Variants in SYNPO2 observed in about 807,000 individuals in gnomAD.
The protein encoded by SYNPO2 is synaptopodin-2.
SYNPO2 carries 56 observed loss-of-function variants against 85.0 expected under a neutral mutation model. That is an observed-to-expected ratio of 0.66 (90% CI 0.53 to 0.82). The LOEUF (loss-of-function observed/expected upper bound fraction) is 0.82, where lower values mean the gene tolerates loss of function less well. Ranked by LOEUF, SYNPO2 falls within the 40% of genes least tolerant of loss-of-function variation. The pLI, the probability that SYNPO2 is intolerant of heterozygous loss-of-function variation, is 0.00. For missense variants in SYNPO2, 1,575 were observed against 1,534.2 expected, an observed-to-expected ratio of 1.03 and a Z score of -0.44; for synonymous variants, 602 against 591.1, an observed-to-expected ratio of 1.02 and a Z score of -0.27.
At chr4:118,907,243 A>G (rs1260676771) in intron 1 of SYNPO2, among the ~76,000 whole-genome samples, 3 of 152,224 alleles carry the variant, frequency 2.0e-5, no homozygotes. Flanking sequence ...GCATGGATTT[A>G]AACACAATTG....
At chr4:119,040,467 A>G (rs1738671238) in intron 4 of SYNPO2, among the ~76,000 whole-genome samples, 1 of 152,066 alleles carries the variant, frequency 6.6e-6, no homozygotes, top group Non-Finnish European at 1.5e-5. Context: ...CTTTGTGTTC[A>G]TCTATTGTGC....
At chr4:119,034,298 G>C (rs1413767459) in intron 4 of SYNPO2, 1 of 984,762 alleles carries the variant, frequency 1.0e-6, no homozygotes, top group African/African-American at 1.7e-5. Flanking sequence ...CACACAGGTA[G>C]TCGGTTTGAG....
Position 119,059,494 on chromosome 4 carries a change from C to G in SYNPO2, c.*1560C>G, listed in dbSNP as rs779901120. 9.2e-5 allele frequency: 14 copies of G among 152,032 alleles called. No individual in the cohort carries two copies. The highest frequency in any genetic ancestry group is 1.9e-4 in the Non-Finnish European group (13 of 68,014). 9.4% of individuals were successfully genotyped at this position (152,032 alleles called of 1,614,324 possible). A position where few individuals can be genotyped will look rare whatever the true frequency, so the allele number is the denominator to read the frequency against. On this transcript the variant is annotated 3_prime_UTR_variant, in exon 5 of 5. Transcript: ENST00000307142. ...CACCTGCTCCTTATTGCCATACCCACGAACTGTTAAATATAAAAAAATTCA... is the reference window on the plus strand; with the variant it reads ...CACCTGCTCCTTATTGCCATACCCAGGAACTGTTAAATATAAAAAAATTCA...
At chr4:118,980,225 C>T (rs555918341) in intron 1 of SYNPO2, among the ~76,000 whole-genome samples, 2 of 152,270 alleles carry the variant, frequency 1.3e-5, no homozygotes, top group African/African-American at 4.8e-5. Flanking sequence ...TCAACTCTTT[C>T]TAATGTATTT....
At chr4:118,954,689 G>A (rs1308983111) in intron 1 of SYNPO2, among the ~76,000 whole-genome samples, 1 of 151,948 alleles carries the variant, frequency 6.6e-6, no homozygotes, top group African/African-American at 2.4e-5. Context: ...AGATTTATCT[G>A]AAAAACCATT....
intron 1 of SYNPO2, among the ~76,000 whole-genome samples, chr4:118,987,330 A>G (rs1194085175): frequency 3.3e-5 from 5 of 152,192 alleles, no homozygotes; most frequent in African/African-American, 9.7e-5. Context: ...GATGCAGATA[A>G]TGTTGCATTA....
Position 119,031,197 on chromosome 4 carries a change from A to G in SYNPO2, c.2422A>G (p.Ile808Val), listed in dbSNP as rs75493275. 28 of 1,613,998 alleles carry G rather than the reference A, an allele frequency of 1.7e-5. No individual in the cohort carries two copies. In the African/African-American group the frequency reaches 3.6e-4, roughly 21 times the overall value. The part of the protein sequence containing the change: ...SKGTVVSSIK[I>V]AQPSYPPARP... ...GGGCACCGTTGTCTCCTCCATCAAA[A>G]TAGCCCAGCCTTCTTACCCTCCTGC... The change falls in exon 4 of 5, where the codon ATA (isoleucine) becomes GTA (valine). Residue 808 changes from isoleucine (I) to valine (V), a missense_variant. This residue lies in a region of SYNPO2 where 1,508 missense variants were observed against 1,446.8 expected (regional missense o/e 1.04). Transcript: ENST00000307142.
At chr4:118,953,586 C>T (rs1734769206) in intron 1 of SYNPO2, among the ~76,000 whole-genome samples, 2 of 145,402 alleles carry the variant, frequency 1.4e-5, no homozygotes, top group East Asian at 2.0e-4. Flanking sequence ...ACTCAATCTT[C>T]CTTGAACTGT....
At chr4:119,043,887 C>CAAA (rs1274735205) in intron 4 of SYNPO2, 1 of 129,502 alleles carries the variant, frequency 7.7e-6, no homozygotes, top group Non-Finnish European at 1.6e-5. Flanking sequence ...GCAGTGAGCC[C>CAAA]ATATCGTACT....
chr4:118,910,294 G>A (rs1733092688), intron 1 of SYNPO2, among the ~76,000 whole-genome samples: 1 of 152,230 alleles, frequency 6.6e-6, no homozygotes, highest in Non-Finnish European at 1.5e-5. Flanking sequence ...AATGAAGGGA[G>A]AATGAGATCA....
intron 1 of SYNPO2, among the ~76,000 whole-genome samples, chr4:118,879,223 G>C (rs1732010901): frequency 6.6e-6 from 1 of 152,180 alleles, no homozygotes; most frequent in Non-Finnish European, 1.5e-5. Context: ...AGGGTCCGTG[G>C]CTTCATTGTT....
chr4:118,909,995 C>T (rs1198772166), intron 1 of SYNPO2, among the ~76,000 whole-genome samples: 1 of 152,128 alleles, frequency 6.6e-6, no homozygotes. Flanking sequence ...AGCATAATTC[C>T]ACCCCCTTCC....
At chr4:119,055,596 A>G (rs1739184292) in intron 4 of SYNPO2, among the ~76,000 whole-genome samples, 1 of 152,248 alleles carries the variant, frequency 6.6e-6, no homozygotes, top group Non-Finnish European at 1.5e-5. Flanking sequence ...TAGGTGTACA[A>G]TATGTTAATT....
upstream of SYNPO2, among the ~76,000 whole-genome samples, chr4:118,886,603 C>T (rs888844354): frequency 1.3e-5 from 2 of 152,184 alleles, no homozygotes; most frequent in Non-Finnish European, 2.9e-5. Flanking sequence ...TTTATGGCTG[C>T]ATAGTATTCC....
intron 1 of SYNPO2, among the ~76,000 whole-genome samples, chr4:118,903,062 C>T (rs1732811014): frequency 1.3e-5 from 2 of 152,082 alleles, no homozygotes; most frequent in African/African-American, 2.4e-5. Flanking sequence ...TTAGTTTCCT[C>T]ATCTGTAGAA....
intron 1 of SYNPO2, among the ~76,000 whole-genome samples, chr4:118,995,735 A>G (rs145311084): frequency 2.0e-4 from 30 of 152,308 alleles, no homozygotes; most frequent in Non-Finnish European, 3.1e-4. Flanking sequence ...AATGACTACA[A>G]GGAAGTTTAA....
intron 1 of SYNPO2, among the ~76,000 whole-genome samples, chr4:118,930,855 C>A (rs1733906763): frequency 6.7e-6 from 1 of 149,618 alleles, no homozygotes; most frequent in African/African-American, 2.5e-5. Flanking sequence ...AAGGTTGAGG[C>A]TGCAGTGAGC....
chr4:119,012,388 T>TA (rs1395363306), intron 1 of SYNPO2, among the ~76,000 whole-genome samples: 3 of 130,394 alleles, frequency 2.3e-5, no homozygotes, highest in Non-Finnish European at 5.0e-5. Flanking sequence ...TTTTTTTTTT[T>TA]TTTTTATTTT....
At position 119,031,294 on chromosome 4, in the gene SYNPO2, A is replaced by G. The variant is rs1300218820; in HGVS notation, c.2519A>G (p.Tyr840Cys). 1.9e-6 allele frequency: 3 copies of G among 1,614,186 alleles called. No individual in the cohort carries two copies. Among genetic ancestry groups the G allele is most frequent in the Non-Finnish European group, 8.5e-7 (1 of 1,180,032 alleles). ...CAAGCAGCAGTAGCCAGTCAGAATT[A>G]CACACCCAAACCAACAGTTTCCACA... ...GPQAAVASQN[Y>C]TPKPTVSTPT... The change falls in exon 4 of 5, where the codon TAC (tyrosine) becomes TGC (cysteine). Residue 840 changes from tyrosine to cysteine, a missense_variant. Tyr to Cys is a radical substitution (Grantham distance 194, BLOSUM62 -2). Transcript: ENST00000307142.
Sources: gnomAD v4.1 joint callset for allele counts (sites outside exome capture counted in the v4.1 genomes callset) on GRCh38, gnomAD v4.1.1 for gene constraint, gnomAD v4.1.1 regional missense constraint, MANE v1.5 for transcripts, NCBI Gene and HGNC (gene_info 2026-07-23, HGNC 2026-07-21) for gene names.